URI1: variants seen among roughly 807,000 people sequenced by gnomAD.
URI1 encodes URI1 prefoldin like chaperone.
In URI1, 39 loss-of-function variants were observed where a neutral mutation model predicts 60.2. The ratio of observed to expected loss-of-function variants is 0.65; its 90% confidence interval spans 0.50 to 0.85. URI1 has a LOEUF of 0.85. URI1 is among the 40% of genes least tolerant of loss of function. The probability of loss-of-function intolerance (pLI) is 0.00; values close to 1 mark genes in which losing one functional copy is unlikely to be tolerated. For synonymous variants in URI1, 251 were observed against 236.8 expected, an observed-to-expected ratio of 1.06 and a Z score of -0.55; for missense variants, 691 against 665.9, an observed-to-expected ratio of 1.04 and a Z score of -0.42.
upstream of URI1, among the ~76,000 whole-genome samples, chr19:29,941,984 C>T (rs1282926354): frequency 7.0e-6 from 1 of 143,268 alleles, no homozygotes; most frequent in Admixed American, 7.0e-5. Context: ...AGAATGTAAG[C>T]TTTTTTTTTT....
intron 1 of URI1, among the ~76,000 whole-genome samples, chr19:29,926,244 CT>C (rs2054865351): frequency 7.6e-6 from 1 of 131,664 alleles, no homozygotes; most frequent in African/African-American, 3.4e-5. Flanking sequence ...TCCTTCCTTC[CT>C]TCCTTCCTTC....
intron 1 of URI1, among the ~76,000 whole-genome samples, chr19:29,926,435 A>G (rs553711101): frequency 7.0e-4 from 107 of 152,194 alleles, no homozygotes; most frequent in Non-Finnish European, 1.1e-3. Flanking sequence ...ATGTGCCAAC[A>G]TGCCTGGCTA....
Position 29,985,249 on chromosome 19 carries a change from C to G in URI1, c.179C>G (p.Ala60Gly). ...AAGAAGGTAGATAATGACTATAATG[C>G]CCTTCGAGAAAGACTCAGCACCTTG... ...HWKKVDNDYNALRERLSTLPD... is the reference protein window; with the variant it reads ...HWKKVDNDYNGLRERLSTLPD... Residue 60 changes from alanine to glycine, a missense_variant, in exon 3 of 11, where the codon GCC (alanine) becomes GGC (glycine). Transcript: ENST00000392271. The G allele has an allele frequency of 1.9e-6, 3 of 1,604,522 alleles. No individual in the cohort carries two copies. The highest frequency in any genetic ancestry group is 2.6e-6 in the Non-Finnish European group (3 of 1,175,414).
intron 1 of URI1, among the ~76,000 whole-genome samples, chr19:29,926,705 A>G (rs556525602): frequency 6.6e-6 from 1 of 152,376 alleles, no homozygotes; most frequent in African/African-American, 2.4e-5. Context: ...GGTTAAAAGA[A>G]AATGTGTGAA....
rs985098551 is a variant in URI1, at chr19:29,985,356, CTA to C, written c.231+57_231+58del. The C allele has an allele frequency of 5.3e-5, 76 of 1,445,022 alleles. 1 individual carries two copies. In the South Asian group the frequency reaches 7.1e-4, roughly 13 times the overall value. 89.5% of individuals were successfully genotyped at this position (1,445,022 alleles called of 1,614,324 possible). A position where few individuals can be genotyped will look rare whatever the true frequency, so the allele number is the denominator to read the frequency against. On this transcript the variant is annotated intron_variant, in intron 3 of 10. Transcript: ENST00000392271. The stretch of plus-strand genomic sequence containing the variant: ...TAGTTGTTTCTTGTAAACATATTAA[CTA>C]TGTGTCGGTTCACAGAATGTCAGGC...
At chr19:29,940,222 G>A (rs532183250), upstream of URI1, among the ~76,000 whole-genome samples, 11 of 152,052 alleles carry the variant, frequency 7.2e-5, no homozygotes, top group South Asian at 1.0e-3. Context: ...ACCACAGATC[G>A]CACTTCATTC....
chr19:29,932,644 C>T (rs2054931831), intron 1 of URI1, among the ~76,000 whole-genome samples: 2 of 109,088 alleles, frequency 1.8e-5, no homozygotes, highest in Admixed American at 1.2e-4. Context: ...TGGTTTTCCC[C>T]CCTTCATTCC....
At chr19:30,007,700 CTT>C in intron 7 of URI1, 62 bp downstream of exon 7, 5 of 1,399,972 alleles carry the variant, frequency 3.6e-6, no homozygotes, top group Non-Finnish European at 4.8e-6. Flanking sequence ...CCTCATTAAT[CTT>C]TTTCTTCATT....
intron 1 of URI1, among the ~76,000 whole-genome samples, chr19:29,934,996 C>G (rs1166598215): frequency 6.6e-6 from 1 of 152,118 alleles, no homozygotes; most frequent in Non-Finnish European, 1.5e-5. Context: ...ACAGTTTAGT[C>G]CATTTACATT....
chr19:29,999,794 A>G (rs530332659), intron 4 of URI1, among the ~76,000 whole-genome samples: 1 of 152,140 alleles, frequency 6.6e-6, no homozygotes, highest in African/African-American at 2.4e-5. Flanking sequence ...TGATAGATGT[A>G]TATAGCTTTA....
intron 10 of URI1, among the ~76,000 whole-genome samples, chr19:30,013,949 G>T (rs2145458087): frequency 6.6e-6 from 1 of 151,882 alleles, no homozygotes; most frequent in South Asian, 2.1e-4. Flanking sequence ...AATTATTTAG[G>T]TGTTACGTTG....
chr19:29,933,946 T>TA (rs913938329), intron 1 of URI1, among the ~76,000 whole-genome samples: 16 of 146,624 alleles, frequency 1.1e-4, no homozygotes, highest in Non-Finnish European at 1.6e-4. Flanking sequence ...TTCCCTTTTT[T>TA]TTTTTTTGAG....
At chr19:29,994,441 C>G (rs2055786006) in intron 4 of URI1, among the ~76,000 whole-genome samples, 1 of 152,054 alleles carries the variant, frequency 6.6e-6, no homozygotes, top group South Asian at 2.1e-4. Context: ...CTTCCTCCCC[C>G]CATCCCCTGG....
chr19:29,952,658 A>G (rs1400834464), intron 1 of URI1, among the ~76,000 whole-genome samples: 1 of 152,180 alleles, frequency 6.6e-6, no homozygotes, highest in Non-Finnish European at 1.5e-5. Flanking sequence ...AGAAGAGGAA[A>G]TAGAGTTTAG....
At chr19:29,931,298 C>G (rs181202051) in intron 1 of URI1, among the ~76,000 whole-genome samples, 1 of 152,174 alleles carries the variant, frequency 6.6e-6, no homozygotes, top group Non-Finnish European at 1.5e-5. Context: ...TTATATTCCT[C>G]ACAGCTCTGG....
At chr19:29,963,963 C>T (rs2145302049) in intron 1 of URI1, among the ~76,000 whole-genome samples, 1 of 152,282 alleles carries the variant, frequency 6.6e-6, no homozygotes, top group Non-Finnish European at 1.5e-5. Flanking sequence ...TTGGCCTTCG[C>T]AGCTCAGAAT....
chr19:29,927,357 A>G (rs1245285494), intron 1 of URI1, among the ~76,000 whole-genome samples: 2 of 146,496 alleles, frequency 1.4e-5, no homozygotes, highest in East Asian at 4.0e-4. Flanking sequence ...TCTGCCTCCC[A>G]GGTTCAAGTG....
intron 1 of URI1, chr19:29,970,951 A>T (rs1342820006): frequency 2.0e-6 from 1 of 509,994 alleles, no homozygotes; most frequent in African/African-American, 1.9e-5. Context: ...CGGGTTTTGT[A>T]CCAAAGTATG....
chr19:29,936,244 C>T (rs1036351329), intron 1 of URI1, among the ~76,000 whole-genome samples: 4 of 152,090 alleles, frequency 2.6e-5, no homozygotes, highest in Admixed American at 2.6e-4. Context: ...GATAGGATTA[C>T]AGGTGCCCAC....
Sources: allele counts gnomAD v4.1 joint callset (sites outside exome capture counted in the v4.1 genomes callset), GRCh38; gene constraint gnomAD v4.1.1; transcripts MANE v1.5; gene names NCBI Gene and HGNC (gene_info 2026-07-23, HGNC 2026-07-21).